Variants in ZFPM2 observed in about 807,000 individuals in gnomAD.
ZFPM2 encodes zinc finger protein ZFPM2.
In ZFPM2, 20 loss-of-function variants were observed where a neutral mutation model predicts 98.6. That is an observed-to-expected ratio of 0.20 (90% CI 0.14 to 0.29). ZFPM2 has a LOEUF of 0.29. Ranked by LOEUF, ZFPM2 falls within the 10% of genes least tolerant of loss-of-function variation. The pLI is 1.00. For missense variants in ZFPM2, 1,310 were observed against 1,388.6 expected (o/e 0.94, Z 0.90); for synonymous variants, 518 against 502.7 (o/e 1.03, Z -0.41).
At chr8:105,649,978 C>G (rs964997373) in intron 5 of ZFPM2, among the ~76,000 whole-genome samples, 2 of 152,128 alleles carry the variant, frequency 1.3e-5, no homozygotes, top group Non-Finnish European at 2.9e-5. Context: ...CCTTTTACCT[C>G]TGGTAGAATT....
At chr8:105,777,889 G>A (rs1813140060) in intron 5 of ZFPM2, among the ~76,000 whole-genome samples, 1 of 152,142 alleles carries the variant, frequency 6.6e-6, no homozygotes, top group African/African-American at 2.4e-5. Flanking sequence ...TTAATTATCT[G>A]GACTTCTCTG....
intron 4 of ZFPM2, among the ~76,000 whole-genome samples, chr8:105,602,042 C>T (rs1486068713): frequency 6.6e-6 from 1 of 152,016 alleles, no homozygotes; most frequent in Non-Finnish European, 1.5e-5. Flanking sequence ...CCAACTGCTC[C>T]TTCAGTAGAC....
At position 105,318,874 on chromosome 8, in the gene ZFPM2, G is replaced by GAGCGGCGGT. The variant is rs1429157194; in HGVS notation, c.-65_-64insGGCGGTAGC. On this transcript the variant is annotated 5_prime_UTR_variant, in exon 1 of 8. Coordinates refer to ENST00000407775, the MANE Select transcript of ZFPM2 (RefSeq NM_012082.4). ...GCGGCGGCGGCGGCGGCGGCGGCGG[G>GAGCGGCGGT]AGCCGAGGGAGCGGCAGCCGCGACC... 1 of 1,020,946 alleles carries GAGCGGCGGT rather than the reference G, an allele frequency of 9.8e-7. No homozygotes were observed. The highest frequency in any genetic ancestry group is 1.9e-5 in the African/African-American group (1 of 53,496). 63.2% of individuals were successfully genotyped at this position (1,020,946 alleles called of 1,614,324 possible). A position where few individuals can be genotyped will look rare whatever the true frequency, so the allele number is the denominator to read the frequency against.
intron 3 of ZFPM2, among the ~76,000 whole-genome samples, chr8:105,463,018 A>T (rs891205224): frequency 9.9e-5 from 15 of 152,082 alleles, no homozygotes; most frequent in African/African-American, 3.4e-4. Flanking sequence ...TAAATAATAA[A>T]AAAAATATAA....
chr8:105,615,689 A>G (rs765179844), intron 4 of ZFPM2, among the ~76,000 whole-genome samples: 1 of 152,138 alleles, frequency 6.6e-6, no homozygotes, highest in East Asian at 1.9e-4. Context: ...TCATCTATTT[A>G]GAGTACATGA....
intron 1 of ZFPM2, among the ~76,000 whole-genome samples, chr8:105,415,503 A>G (rs949809814): frequency 1.3e-5 from 2 of 151,990 alleles, no homozygotes; most frequent in African/African-American, 4.8e-5. Flanking sequence ...CTGAGTAGAT[A>G]TTATTATTTG....
intron 4 of ZFPM2, among the ~76,000 whole-genome samples, chr8:105,625,790 C>G (rs1346340977): frequency 6.6e-6 from 1 of 151,820 alleles, no homozygotes; most frequent in Non-Finnish European, 1.5e-5. Context: ...ACCATGTTGG[C>G]CAGGCTGGTC....
chr8:105,519,216 GA>G (rs1163848787), intron 3 of ZFPM2, among the ~76,000 whole-genome samples: 1 of 152,072 alleles, frequency 6.6e-6, no homozygotes, highest in Admixed American at 6.6e-5. Flanking sequence ...CCCATTTCCA[GA>G]GCCCGTGTGT....
chr8:105,743,596 A>T (rs1812275746), intron 5 of ZFPM2, among the ~76,000 whole-genome samples: 2 of 152,042 alleles, frequency 1.3e-5, no homozygotes, highest in African/African-American at 2.4e-5. Flanking sequence ...AATCACCCAG[A>T]TCTCTAAGAT....
intron 1 of ZFPM2, among the ~76,000 whole-genome samples, chr8:105,351,355 G>A (rs1179983439): frequency 3.5e-4 from 2 of 5,706 alleles, no homozygotes; most frequent in Admixed American, 3.7e-3. Flanking sequence ...GCATTATTTC[G>A]TGTGTGTGTG....
rs576129477 is a variant in ZFPM2, at chr8:105,793,897, G to A, written c.740-4827G>A. 1.3e-4 allele frequency among the ~76,000 whole-genome samples: 20 copies of A among 151,562 alleles called. No homozygotes were observed. The East Asian group carries it at 1.7e-3, about 13-fold the overall frequency. On this transcript the variant is annotated intron_variant, in intron 6 of 7. Transcript: ENST00000407775. ...CTCCTGAGGCTTCTGCATTCTTCAC[G>A]TAGTTCTCGAGCCTTGGCTTTCAGC...
At chr8:105,682,364 GT>G (rs1421947152) in intron 5 of ZFPM2, among the ~76,000 whole-genome samples, 2 of 152,180 alleles carry the variant, frequency 1.3e-5, no homozygotes, top group African/African-American at 4.8e-5. Context: ...ACAGTTCCAG[GT>G]GGAGGGAAGA....
At chr8:105,379,423 C>T (rs1810797168) in intron 1 of ZFPM2, among the ~76,000 whole-genome samples, 1 of 152,130 alleles carries the variant, frequency 6.6e-6, no homozygotes. Context: ...TACAACTCAT[C>T]AGTGAACCAG....
chr8:105,680,330 T>C (rs941801630), intron 5 of ZFPM2, among the ~76,000 whole-genome samples: 16 of 152,184 alleles, frequency 1.1e-4, no homozygotes, highest in African/African-American at 3.6e-4. Flanking sequence ...GTTCAAAGAA[T>C]GTAAACAGTG....
chr8:105,497,423 T>C (rs1462926732), intron 3 of ZFPM2, among the ~76,000 whole-genome samples: 4 of 152,114 alleles, frequency 2.6e-5, no homozygotes, highest in Non-Finnish European at 5.9e-5. Flanking sequence ...TAACATGATA[T>C]ATGGTTTCAA....
intron 3 of ZFPM2, among the ~76,000 whole-genome samples, chr8:105,450,228 G>T (rs541134056): frequency 5.9e-5 from 9 of 152,156 alleles, no homozygotes; most frequent in African/African-American, 1.7e-4. Context: ...GATCACTTTT[G>T]CATGAAGTGA....
intron 5 of ZFPM2, among the ~76,000 whole-genome samples, chr8:105,743,940 A>C (rs903289915): frequency 6.6e-6 from 1 of 152,132 alleles, no homozygotes; most frequent in African/African-American, 2.4e-5. Flanking sequence ...GTAGCTATGA[A>C]AAATAATAAT....
At chr8:105,784,325 T>TCCATACTCTCCCTG (rs1813348525) in intron 5 of ZFPM2, among the ~76,000 whole-genome samples, 1 of 147,228 alleles carries the variant, frequency 6.8e-6, no homozygotes, top group African/African-American at 2.7e-5. Flanking sequence ...TGTTTTTAAC[T>TCCATACTCTCCCTG]GGTCCACAAT....
intron 5 of ZFPM2, among the ~76,000 whole-genome samples, chr8:105,751,869 A>G (rs1812484955): frequency 6.6e-6 from 1 of 151,588 alleles, no homozygotes; most frequent in Admixed American, 6.6e-5. Context: ...TGCATTTTTT[A>G]TTTAAATGGT....
Sources: gnomAD v4.1 joint callset for allele counts (sites outside exome capture counted in the v4.1 genomes callset) on GRCh38, gnomAD v4.1.1 for gene constraint, MANE v1.5 for transcripts, NCBI Gene and HGNC (gene_info 2026-07-23, HGNC 2026-07-21) for gene names.